Variants in MAPK14 observed in about 807,000 individuals in gnomAD.
The protein encoded by MAPK14 is CSAID-binding protein.
Under a neutral mutation model 49.6 loss-of-function variants are expected in MAPK14, and 16 were observed. The ratio of observed to expected loss-of-function variants is 0.32; its 90% CI spans 0.22 to 0.49. The LOEUF is 0.49. Ranked by LOEUF, MAPK14 falls within the 20% of genes least tolerant of loss-of-function variation. The probability of loss-of-function intolerance (pLI) is 0.99; values close to 1 mark genes in which losing one functional copy is unlikely to be tolerated. For missense variants in MAPK14, 200 were observed against 441.2 expected (o/e 0.45, Z 4.90); for synonymous variants, 142 against 158.0 (o/e 0.90, Z 0.76).
intron 1 of MAPK14, among the ~76,000 whole-genome samples, chr6:36,033,621 G>C (rs1456782014): frequency 2.0e-5 from 3 of 152,136 alleles, no homozygotes; most frequent in Non-Finnish European, 2.9e-5. Context: ...AGCCTCCACT[G>C]GTTCTTCTTT....
chr6:36,040,162 G>A (rs1271476445), intron 1 of MAPK14, among the ~76,000 whole-genome samples: 1 of 152,068 alleles, frequency 6.6e-6, no homozygotes, highest in Non-Finnish European at 1.5e-5. Flanking sequence ...TCAACCTATT[G>A]ACACTTTAGG....
the MAPK14 span, among the ~76,000 whole-genome samples, chr6:36,117,139 G>A: frequency 0.015 from 2,289 of 152,252 alleles, 54 homozygotes; most frequent in African/African-American, 0.046. Flanking sequence ...CACACACTGG[G>A]TCTCTCTCCC....
At chr6:36,039,979 G>A (rs369624072) in intron 1 of MAPK14, among the ~76,000 whole-genome samples, 3 of 144,620 alleles carry the variant, frequency 2.1e-5, no homozygotes, top group East Asian at 4.0e-4. Flanking sequence ...CTGGGCGATA[G>A]AGCAAGACTC....
At chr6:36,038,937 CAGTT>C (rs1762850728) in intron 1 of MAPK14, among the ~76,000 whole-genome samples, 1 of 152,120 alleles carries the variant, frequency 6.6e-6, no homozygotes, top group Non-Finnish European at 1.5e-5. Flanking sequence ...CTTCTTTCAA[CAGTT>C]AAACATTTAA....
chr6:36,039,956 C>T (rs1310083152), intron 1 of MAPK14, among the ~76,000 whole-genome samples: 3 of 151,174 alleles, frequency 2.0e-5, no homozygotes. Flanking sequence ...AGATCACTCC[C>T]CTGCACTCCT....
At chr6:36,075,588 A>G (rs192226441) in intron 6 of MAPK14, among the ~76,000 whole-genome samples, 11 of 152,190 alleles carry the variant, frequency 7.2e-5, no homozygotes, top group African/African-American at 2.7e-4. Flanking sequence ...AAACCTTTGT[A>G]TGGACGTAAG....
In MAPK14 at chr6:36,028,117, CCCACAGGG is replaced by C; in HGVS notation, c.-36_-29del. 1 of 1,441,706 alleles carries C rather than the reference CCCACAGGG, an allele frequency of 6.9e-7. No homozygotes were observed. Among genetic ancestry groups the C allele is most frequent in the Non-Finnish European group, 9.7e-7 (1 of 1,033,840 alleles). The allele number at this position is 1,441,706 out of a possible 1,614,324, so 89.3% of individuals were successfully genotyped here. On this transcript the variant is annotated 5_prime_UTR_variant, in exon 1 of 12. Coordinates refer to ENST00000229794, the MANE Select transcript of MAPK14 (RefSeq NM_139012.3). This position sits in a 1 kb window ranked among gnomAD's most constrained non-coding sequence, Gnocchi z 5.1. ...AGAGGGTGCGGGTGCAGGCGGGGGC[CCCACAGGG>C]CCACCTTCTTGCCCGGCGGCTGCCG...
intron 8 of MAPK14, among the ~76,000 whole-genome samples, chr6:36,094,754 G>A (rs759144080): frequency 6.6e-6 from 1 of 152,178 alleles, no homozygotes; most frequent in Non-Finnish European, 1.5e-5. Flanking sequence ...CCCTGTCCTC[G>A]TAGAGCTGTA....
chr6:36,106,324 C>A (rs539710486), intron 10 of MAPK14, among the ~76,000 whole-genome samples: 1 of 152,116 alleles, frequency 6.6e-6, no homozygotes, highest in South Asian at 2.1e-4. Flanking sequence ...ATTCTCAGGA[C>A]AATCAGAGGG....
intron 1 of MAPK14, among the ~76,000 whole-genome samples, chr6:36,037,038 G>A (rs1008847947): frequency 2.0e-5 from 3 of 151,982 alleles, no homozygotes; most frequent in East Asian, 3.9e-4. Flanking sequence ...CACTGTGCCC[G>A]GCTAATAAAA....
At chr6:36,058,375 G>A (rs773526181) in intron 2 of MAPK14, among the ~76,000 whole-genome samples, 1 of 152,140 alleles carries the variant, frequency 6.6e-6, no homozygotes, top group Non-Finnish European at 1.5e-5. Context: ...TAGTACATAC[G>A]TAAGGCAAGG....
chr6:36,087,732 A>T (rs1765044171), intron 8 of MAPK14, among the ~76,000 whole-genome samples: 1 of 152,230 alleles, frequency 6.6e-6, no homozygotes, highest in African/African-American at 2.4e-5. Flanking sequence ...TTATAAATTT[A>T]ATGCTATTCC....
At chr6:36,104,760 A>T (rs1323198819) in intron 10 of MAPK14, among the ~76,000 whole-genome samples, 1 of 152,218 alleles carries the variant, frequency 6.6e-6, no homozygotes, top group Admixed American at 6.5e-5. Flanking sequence ...TGAACAGGGC[A>T]GTACTCACTG....
chr6:36,034,781 A>G (rs1287204995), intron 1 of MAPK14, among the ~76,000 whole-genome samples: 1 of 151,940 alleles, frequency 6.6e-6, no homozygotes, highest in Non-Finnish European at 1.5e-5. Flanking sequence ...TTGCAAATTG[A>G]AGGTTAGTGA....
At chr6:36,053,205 A>G (rs1344908430) in intron 2 of MAPK14, among the ~76,000 whole-genome samples, 1 of 147,202 alleles carries the variant, frequency 6.8e-6, no homozygotes, top group Non-Finnish European at 1.5e-5. Flanking sequence ...GTCTGTGGCT[A>G]TTAAAAGACA....
intron 3 of MAPK14, among the ~76,000 whole-genome samples, chr6:36,063,250 T>C (rs1763900575): frequency 6.6e-6 from 1 of 152,162 alleles, no homozygotes; most frequent in Non-Finnish European, 1.5e-5. Flanking sequence ...TGCTATGTGT[T>C]TGTGTATCTA....
intron 1 of MAPK14, among the ~76,000 whole-genome samples, chr6:36,047,052 C>T (rs933309360): frequency 1.3e-5 from 2 of 152,144 alleles, no homozygotes; most frequent in African/African-American, 4.8e-5. Context: ...GTTTAGAGAA[C>T]TGGGTTTAGA....
At chr6:36,105,616 G>C (rs1765776344) in intron 10 of MAPK14, among the ~76,000 whole-genome samples, 1 of 152,144 alleles carries the variant, frequency 6.6e-6, no homozygotes, top group South Asian at 2.1e-4. Context: ...GTACTGTAAA[G>C]TGTAAACTTA....
intron 9 of MAPK14, among the ~76,000 whole-genome samples, chr6:36,100,569 A>G (rs1765599500): frequency 2.6e-5 from 4 of 152,194 alleles, no homozygotes; most frequent in Admixed American, 2.6e-4. Context: ...GTGTGCTACT[A>G]TCGTGACCTT....
Sources: allele counts gnomAD v4.1 joint callset (sites outside exome capture counted in the v4.1 genomes callset), GRCh38; gene constraint gnomAD v4.1.1; non-coding constraint Gnocchi (gnomAD v3.1); transcripts MANE v1.5; gene names NCBI Gene and HGNC (gene_info 2026-07-23, HGNC 2026-07-21).